CFAP43: variants seen among roughly 807,000 people sequenced by gnomAD.
CFAP43 encodes cilia and flagella associated protein 43, also known as cilia- and flagella-associated protein 43.
A neutral mutation model predicts 218.9 loss-of-function variants in CFAP43; 155 were observed. The ratio of observed to expected loss-of-function variants is 0.71; its 90% CI spans 0.62 to 0.81. CFAP43 has a LOEUF of 0.81. Among genes scored for constraint, CFAP43 ranks in the 30% least tolerant of loss-of-function variants. The probability of loss-of-function intolerance (pLI) is 0.00; values close to 1 mark genes in which losing one functional copy is unlikely to be tolerated. For synonymous variants in CFAP43, 645 were observed against 681.3 expected (o/e 0.95, Z 0.83); for missense variants, 1,778 against 1,954.3 (o/e 0.91, Z 1.70).
chr10:104,185,277 G>A, intron 15 of CFAP43, 131 bp from the exon 16 acceptor site: 4 of 1,182,910 alleles, frequency 3.4e-6, no homozygotes, highest in Non-Finnish European at 4.8e-6. Flanking sequence ...TAATTGGTAT[G>A]GAAGTAGGCA....
intron 28 of CFAP43, among the ~76,000 whole-genome samples, chr10:104,149,934 C>A (rs958246323): frequency 2.0e-5 from 3 of 152,136 alleles, no homozygotes; most frequent in Non-Finnish European, 2.9e-5. Context: ...CCCTCTGTTA[C>A]CTCCTAGAGG....
chr10:104,154,153 T>G (rs2088420694), intron 27 of CFAP43, among the ~76,000 whole-genome samples: 1 of 152,256 alleles, frequency 6.6e-6, no homozygotes, highest in African/African-American at 2.4e-5. Context: ...AAAGATACTT[T>G]GAGACTATGT....
intron 2 of CFAP43, among the ~76,000 whole-genome samples, chr10:104,229,342 G>T (rs1281359596): frequency 1.3e-5 from 2 of 152,004 alleles, no homozygotes; most frequent in Non-Finnish European, 2.9e-5. Context: ...GCTCAGTGTG[G>T]GTCAGCTGTA....
intron 34 of CFAP43, 83 bp downstream of exon 34, chr10:104,140,759 T>C (rs892092404): frequency 4.4e-6 from 5 of 1,140,706 alleles, no homozygotes; most frequent in Non-Finnish European, 6.0e-6. Flanking sequence ...AAGGCTGCAG[T>C]GAGCCATGAT....
chr10:104,131,663 T>C (rs2087201652), intron 36 of CFAP43, among the ~76,000 whole-genome samples, 179 bp from the exon 37 acceptor site: 1 of 152,224 alleles, frequency 6.6e-6, no homozygotes, highest in Admixed American at 6.5e-5. Context: ...GGTAGAATGG[T>C]ATGTTAATAA....
intron 10 of CFAP43, 38 bp downstream of exon 10, chr10:104,196,815 C>T: frequency 6.7e-7 from 1 of 1,485,256 alleles, no homozygotes; most frequent in Non-Finnish European, 9.3e-7. Context: ...GATTAGAATT[C>T]AGTATTTTTT....
intron 8 of CFAP43, among the ~76,000 whole-genome samples, chr10:104,198,638 A>G (rs954573508): frequency 6.6e-6 from 1 of 151,540 alleles, no homozygotes; most frequent in East Asian, 1.9e-4. Flanking sequence ...TTTATTTTTA[A>G]TTTTTTAAAA....
chr10:104,211,973 A>G (rs2090875938), intron 5 of CFAP43, 34 bp downstream of exon 5: 1 of 1,603,762 alleles, frequency 6.2e-7, no homozygotes, highest in Non-Finnish European at 8.5e-7. Flanking sequence ...ACCTCAACCC[A>G]TTAGGCAAAC....
chr10:104,145,693 T>G, intron 30 of CFAP43, 129 bp from the exon 31 acceptor site: 2 of 537,104 alleles, frequency 3.7e-6, no homozygotes, highest in Admixed American at 3.1e-5. Context: ...ATTTACAAAG[T>G]TGTTAGACAT....
At chr10:104,193,773 T>C (rs2090301046) in intron 11 of CFAP43, 93 bp downstream of exon 11, 4 of 1,455,538 alleles carry the variant, frequency 2.7e-6, no homozygotes, top group Non-Finnish European at 3.7e-6. Context: ...ATGAAACACG[T>C]AAAACTTAAA....
chr10:104,164,382 C>A (rs2089040462), intron 23 of CFAP43, 82 bp from the exon 24 acceptor site: 9 of 1,139,930 alleles, frequency 7.9e-6, no homozygotes, highest in Non-Finnish European at 9.8e-6. Context: ...TACTTTCCCT[C>A]TAAAATCATT....
At chr10:104,132,480 G>A (rs1277127449) in intron 35 of CFAP43, 1 of 262,004 alleles carries the variant, frequency 3.8e-6, no homozygotes, top group Non-Finnish European at 5.9e-6. Context: ...TGGGCGTGGT[G>A]GCACATGCCT....
intron 27 of CFAP43, among the ~76,000 whole-genome samples, chr10:104,153,780 CTCTT>C (rs1484713087): frequency 3.4e-5 from 5 of 148,776 alleles, no homozygotes; most frequent in African/African-American, 1.2e-4. Flanking sequence ...CTCTCTCTCT[CTCTT>C]CTCTCTCTCT....
intron 27 of CFAP43, among the ~76,000 whole-genome samples, chr10:104,155,497 C>G (rs1179944387): frequency 6.6e-6 from 1 of 152,138 alleles, no homozygotes; most frequent in Non-Finnish European, 1.5e-5. Context: ...TGCACAGTTA[C>G]TATATAACCG....
At chr10:104,196,226 A>G (rs1295968400) in intron 10 of CFAP43, among the ~76,000 whole-genome samples, 1 of 152,206 alleles carries the variant, frequency 6.6e-6, no homozygotes. Context: ...TGCTGGATTG[A>G]GGCACACATG....
intron 17 of CFAP43, among the ~76,000 whole-genome samples, chr10:104,180,408 T>A (rs2089789287): frequency 6.6e-6 from 1 of 151,964 alleles, no homozygotes; most frequent in African/African-American, 2.4e-5. Flanking sequence ...CTACTCTCAC[T>A]TGACCATCAC....
chr10:104,183,192 G>A (rs1589725078), intron 16 of CFAP43, among the ~76,000 whole-genome samples: 2 of 152,274 alleles, frequency 1.3e-5, no homozygotes, highest in Admixed American at 6.5e-5. Flanking sequence ...ATCACTGGGA[G>A]GGTTTAAAAA....
At chr10:104,183,193 G>A (rs555461483) in intron 16 of CFAP43, among the ~76,000 whole-genome samples, 1 of 152,032 alleles carries the variant, frequency 6.6e-6, no homozygotes, top group Admixed American at 6.6e-5. Flanking sequence ...TCACTGGGAG[G>A]GTTTAAAAAC....
In CFAP43 at chr10:104,179,846, G is replaced by A; in HGVS notation, c.2376C>T (p.Ser792=). 14 of 1,612,296 alleles carry A rather than the reference G, an allele frequency of 8.7e-6. No individual in the cohort carries two copies. The highest frequency in any genetic ancestry group is 1.1e-5 in the Non-Finnish European group (13 of 1,178,884). Residue 792 remains serine, a synonymous_variant, in exon 18 of 38, where the codon AGC becomes AGT. Transcript: ENST00000357060. ...CCCCATGTTTCACAAATACCTCTTG[G>A]CTTTTTTGTTGTATCCAAGGAATTT... The part of the protein sequence containing the change: ...KKEIPWIQQK[S]QEAIKKEVNL...
Sources: gnomAD v4.1 joint callset for allele counts (sites outside exome capture counted in the v4.1 genomes callset) on GRCh38, gnomAD v4.1.1 for gene constraint, MANE v1.5 for transcripts, NCBI Gene and HGNC (gene_info 2026-07-23, HGNC 2026-07-21) for gene names.